The following COL11A1 variants were observed in gnomAD, a reference collection of about 807,000 sequenced individuals.
The protein encoded by COL11A1 is collagen type XI alpha 1 chain.
COL11A1 carries 74 observed loss-of-function variants against 265.2 expected under a neutral mutation model. The observed-to-expected ratio is 0.28, with a 90% CI of 0.23 to 0.34. The LOEUF is 0.34. Ranked by LOEUF, COL11A1 falls within the 10% of genes least tolerant of loss-of-function variation. COL11A1 has a pLI of 1.00. For synonymous variants in COL11A1, 816 were observed against 727.6 expected, an observed-to-expected ratio of 1.12 and a Z score of -1.96; for missense variants, 2,165 against 2,263.6, an observed-to-expected ratio of 0.96 and a Z score of 0.88.
chr1:103,004,501 A>C lies in COL11A1; in HGVS notation c.1900-13T>G. On this transcript the variant is annotated splice_polypyrimidine_tract_variant and intron_variant, in intron 19 of 66. Transcript: ENST00000370096. ...CTCCATCTTCTCCCTGTCATTGACA[A>C]AATGAATGAGAGTATAGAACATTTG... 1 of 1,610,812 alleles carries C rather than the reference A, an allele frequency of 6.2e-7. No homozygotes were observed. The highest frequency in any genetic ancestry group is 1.1e-5 in the South Asian group (1 of 90,856).
intron 28 of COL11A1, among the ~76,000 whole-genome samples, chr1:102,989,932 T>C (rs1254410177): frequency 6.6e-6 from 1 of 152,140 alleles, no homozygotes; most frequent in Admixed American, 6.6e-5. Context: ...ACACCTGTAA[T>C]CCCCACACTT....
rs140725290 is a variant in COL11A1, at chr1:102,913,243, G to T, written c.4032+394C>A. ...TAAAAAGGCCTATACTATGTTGAGA[G>T]TTCATTTAGGTTCACAATTAATATA... On this transcript the variant is annotated intron_variant, in intron 53 of 66. Coordinates refer to ENST00000370096, the MANE Select transcript of COL11A1 (RefSeq NM_001854.4). 9.9e-4 allele frequency among the ~76,000 whole-genome samples: 151 copies of T among 152,118 alleles called. 1 individual carries two copies. The highest frequency in any genetic ancestry group is 3.5e-3 in the African/African-American group (147 of 41,510).
chr1:103,019,377 AAGAACTC>A (rs1666812572), intron 9 of COL11A1, among the ~76,000 whole-genome samples: 1 of 152,188 alleles, frequency 6.6e-6, no homozygotes, highest in Admixed American at 6.5e-5. Context: ...TATTCAGAAT[AAGAACTC>A]AGTTCTAAAA....
intron 4 of COL11A1, among the ~76,000 whole-genome samples, chr1:103,046,865 C>T (rs918415424): frequency 2.4e-3 from 361 of 152,026 alleles, no homozygotes; most frequent in African/African-American, 8.3e-3. Flanking sequence ...AATAGGGAAT[C>T]CTTTCCCCAT....
At chr1:103,103,180 CTG>C (rs910141030) in intron 1 of COL11A1, among the ~76,000 whole-genome samples, 2 of 151,800 alleles carry the variant, frequency 1.3e-5, no homozygotes, top group African/African-American at 4.8e-5. Context: ...TAAAAAAAAA[CTG>C]TTAAACAAAC....
At chr1:102,978,994 A>G in intron 33 of COL11A1, 66 bp downstream of exon 33, 2 of 1,609,214 alleles carry the variant, frequency 1.2e-6, no homozygotes, top group East Asian at 4.5e-5. Flanking sequence ...TTTTTGAAAA[A>G]TAAATTATCT....
intron 54 of COL11A1, among the ~76,000 whole-genome samples, chr1:102,905,124 CA>C (rs946884515): frequency 8.6e-4 from 127 of 147,804 alleles, no homozygotes; most frequent in African/African-American, 2.9e-3. Flanking sequence ...ATCGCAAGGA[CA>C]AAAAACCAAA....
At chr1:102,933,076 CCTT>C (rs1290015796) in intron 46 of COL11A1, among the ~76,000 whole-genome samples, 6 of 148,328 alleles carry the variant, frequency 4.0e-5, no homozygotes, top group Admixed American at 1.4e-4. Flanking sequence ...TCGTCTGAAG[CCTT>C]CTTCTCTCAG....
Position 103,006,286 on chromosome 1 carries a change from ACCAGGGGGACCCTGGACG to A in COL11A1, c.1695_1712del (p.Val566_Gly571del). ...CCCTTTTTCCAGGTTTTCCCGTTGG[ACCAGGGGGACCCTGGACG>A]CCTCGAGGGCCCTATATCAAGACAT... On this transcript the variant is annotated inframe_deletion, in exon 16 of 67. Coordinates refer to ENST00000370096, the MANE Select transcript of COL11A1 (RefSeq NM_001854.4). The A allele has an allele frequency of 6.2e-7, 1 of 1,609,580 alleles. No homozygotes were observed.
Position 103,008,481 on chromosome 1 carries a change from A to G in COL11A1, c.1665T>C (p.Ser555=). 6.2e-7 allele frequency: 1 copy of G among 1,613,852 alleles called. No individual in the cohort carries two copies. The highest frequency in any genetic ancestry group is 8.5e-7 in the Non-Finnish European group (1 of 1,179,876). The change falls in exon 15 of 67, where the codon AGT becomes AGC. Residue 555 remains serine, a synonymous_variant. Transcript: ENST00000370096. The part of the protein sequence containing the change: ...GPGSSGAKGE[S]GDPGPQGPRG... ...TTTTTACCTGAGGACCTGGATCACCACTCTCACCTTTGGCCCCAGATGAAC... is the reference window on the plus strand; with the variant it reads ...TTTTTACCTGAGGACCTGGATCACCGCTCTCACCTTTGGCCCCAGATGAAC...
chr1:102,912,298 C>A lies in COL11A1; in HGVS notation c.4033-86G>T. ...TTTTCAAAATCTGGATGGAAACCAA[C>A]CCTCTTTCTTCATTTCCACATGTCA... On this transcript the variant is annotated intron_variant, in intron 53 of 66. Coordinates refer to ENST00000370096, the MANE Select transcript of COL11A1 (RefSeq NM_001854.4). The A allele has an allele frequency of 3.9e-6, 4 of 1,025,680 alleles. No individual in the cohort carries two copies. In the South Asian group the frequency reaches 4.5e-5, roughly 12 times the overall value. 63.5% of individuals were successfully genotyped at this position (1,025,680 alleles called of 1,614,324 possible). A position where few individuals can be genotyped will look rare whatever the true frequency, so the allele number is the denominator to read the frequency against.
chr1:102,997,869 A>G (rs2101805094), intron 25 of COL11A1, among the ~76,000 whole-genome samples: 1 of 152,124 alleles, frequency 6.6e-6, no homozygotes, highest in Admixed American at 6.6e-5. Flanking sequence ...TGTCTGAGAA[A>G]ATTTATGAAT....
At chr1:102,911,723 C>T (rs1469402337) in intron 54 of COL11A1, among the ~76,000 whole-genome samples, 1 of 152,126 alleles carries the variant, frequency 6.6e-6, no homozygotes, top group Non-Finnish European at 1.5e-5. Context: ...CAGTGTAAAG[C>T]AATTTAACAT....
intron 12 of COL11A1, among the ~76,000 whole-genome samples, chr1:103,015,010 T>C (rs955075630): frequency 1.3e-5 from 2 of 152,128 alleles, no homozygotes; most frequent in Non-Finnish European, 2.9e-5. Flanking sequence ...TATCCATTAA[T>C]ACACAGGAAA....
At chr1:102,943,359 A>G (rs1160716695) in intron 42 of COL11A1, among the ~76,000 whole-genome samples, 1 of 151,752 alleles carries the variant, frequency 6.6e-6, no homozygotes, top group Non-Finnish European at 1.5e-5. Flanking sequence ...TTCGGATTTC[A>G]GTATTCTCGA....
chr1:102,929,916 G>A (rs1276409758), intron 46 of COL11A1, among the ~76,000 whole-genome samples: 2 of 152,160 alleles, frequency 1.3e-5, no homozygotes, highest in Non-Finnish European at 2.9e-5. Context: ...GCATAAGAAT[G>A]CTTGTGATTT....
chr1:103,034,182 G>C (rs1186114446), intron 4 of COL11A1, among the ~76,000 whole-genome samples: 1 of 152,056 alleles, frequency 6.6e-6, no homozygotes, highest in Non-Finnish European at 1.5e-5. Context: ...TCTGGATGTA[G>C]ATTTTACAAG....
intron 4 of COL11A1, among the ~76,000 whole-genome samples, chr1:103,050,762 C>T (rs1237218858): frequency 6.6e-6 from 1 of 152,082 alleles, no homozygotes; most frequent in Non-Finnish European, 1.5e-5. Flanking sequence ...ATGATGGTGA[C>T]GTACAGATGG....
chr1:102,965,348 C>T (rs1356729358), intron 38 of COL11A1, 139 bp downstream of exon 38: 1 of 863,138 alleles, frequency 1.2e-6, no homozygotes, highest in Non-Finnish European at 1.9e-6. Flanking sequence ...ACGAAAGCTG[C>T]ATATATTTAA....
Sources: gnomAD v4.1 joint callset for allele counts (sites outside exome capture counted in the v4.1 genomes callset) on GRCh38, gnomAD v4.1.1 for gene constraint, MANE v1.5 for transcripts, NCBI Gene and HGNC (gene_info 2026-07-23, HGNC 2026-07-21) for gene names.